Variants in CUX2 observed in about 807,000 individuals in gnomAD.
CUX2 encodes cut like homeobox 2.
In CUX2, 40 loss-of-function variants were observed where a neutral mutation model predicts 144.8. The ratio of observed to expected loss-of-function variants is 0.28; its 90% CI spans 0.21 to 0.36. The LOEUF (loss-of-function observed/expected upper bound fraction) is 0.36, where lower values mean the gene tolerates loss of function less well. Among genes scored for constraint, CUX2 ranks in the 10% least tolerant of loss-of-function variants. CUX2 has a pLI of 1.00. For synonymous variants in CUX2, 827 were observed against 875.6 expected, an observed-to-expected ratio of 0.94 and a Z score of 0.98; for missense variants, 1,615 against 1,994.0, an observed-to-expected ratio of 0.81 and a Z score of 3.62.
chr12:111,309,649 A>G (rs780505402), intron 14 of CUX2, among the ~76,000 whole-genome samples: 1 of 133,116 alleles, frequency 7.5e-6, no homozygotes, highest in African/African-American at 2.9e-5. Context: ...CTGTCTCTAT[A>G]TATGTCTCTG....
At chr12:111,215,419 T>G (rs1276888160) in intron 2 of CUX2, among the ~76,000 whole-genome samples, 1 of 152,188 alleles carries the variant, frequency 6.6e-6, no homozygotes, top group Admixed American at 6.5e-5. Context: ...ACACAAGTCA[T>G]AAATGTCTTT....
At chr12:111,217,984 TC>T (rs1397482940) in intron 3 of CUX2, 47 bp downstream of exon 3, 5 of 1,605,966 alleles carry the variant, frequency 3.1e-6, no homozygotes, top group Non-Finnish European at 4.3e-6. Context: ...CCCCAATGGC[TC>T]CCCCTCCTAT....
Position 111,077,414 on chromosome 12 carries a change from ACTT to A in CUX2, c.63+43177_63+43179del, listed in dbSNP as rs1871600465. Among the ~76,000 whole-genome samples the A allele has an allele frequency of 6.6e-6, 1 of 152,098 alleles. No homozygotes were observed. On this transcript the variant is annotated intron_variant, in intron 1 of 21. Transcript: ENST00000261726. This position sits in a 1 kb window ranked among gnomAD's most constrained non-coding sequence, Gnocchi z 4.1. ...CATGCCATCGACCTGAACCCCCTGG[ACTT>A]CTGCCCCCCTGGACTGATGGCCTAA... is the stretch of plus-strand genomic sequence containing the variant.
At chr12:111,142,209 A>G (rs138043560) in intron 1 of CUX2, among the ~76,000 whole-genome samples, 2 of 152,380 alleles carry the variant, frequency 1.3e-5, no homozygotes, top group East Asian at 1.9e-4. Flanking sequence ...TCATGCTGAC[A>G]TGAGCCACAT....
chr12:111,217,201 G>C (rs748702375), intron 2 of CUX2, among the ~76,000 whole-genome samples: 4 of 152,184 alleles, frequency 2.6e-5, no homozygotes, highest in African/African-American at 4.8e-5. Flanking sequence ...GGCTCAGGGT[G>C]GCTGTGACAA....
intron 1 of CUX2, among the ~76,000 whole-genome samples, chr12:111,131,199 G>T (rs944383271): frequency 6.6e-6 from 1 of 152,074 alleles, no homozygotes; most frequent in Admixed American, 6.6e-5. Flanking sequence ...ACATGGTGGT[G>T]GCAAGAGAAA....
chr12:111,099,144 G>A (rs1873028035), intron 1 of CUX2, among the ~76,000 whole-genome samples: 1 of 152,244 alleles, frequency 6.6e-6, no homozygotes. Context: ...ATGCTCAGCA[G>A]TGTGGAAGGA....
In CUX2 at chr12:111,277,947, G is replaced by A. The variant is rs1384654614; in HGVS notation, c.302-13471G>A. ...GGCCGGGTTGTTTCTGAAAGCAGGA[G>A]GCTGCAGGGGAGAAGTCATTTCCTT... On this transcript the variant is annotated intron_variant, in intron 4 of 21. Coordinates refer to ENST00000261726, the MANE Select transcript of CUX2 (RefSeq NM_015267.4). This position sits in a 1 kb window ranked among gnomAD's most constrained non-coding sequence, Gnocchi z 5.0. 4.6e-5 allele frequency among the ~76,000 whole-genome samples: 7 copies of A among 152,214 alleles called. No homozygotes were observed. The highest frequency in any genetic ancestry group is 4.6e-4 in the Admixed American group (7 of 15,276).
Position 111,308,311 on chromosome 12 carries a change from C to G in CUX2, c.1136C>G (p.Ser379Cys). 6.2e-7 allele frequency: 1 copy of G among 1,614,178 alleles called. No individual in the cohort carries two copies. The highest frequency in any genetic ancestry group is 8.5e-7 in the Non-Finnish European group (1 of 1,180,028). The part of the protein sequence containing the change: ...LSILKAMKLA[S>C]STCSLPQGMA... Reference sequence around the variant, plus strand: ...ATCCTGAAAGCCATGAAGCTGGCCTCCAGCACCTGCAGCCTCCCCCAGGTA... The same window carrying G: ...ATCCTGAAAGCCATGAAGCTGGCCTGCAGCACCTGCAGCCTCCCCCAGGTA... The change falls in exon 13 of 22, where the codon TCC (serine) becomes TGC (cysteine). Residue 379 changes from serine (S) to cysteine (C), a missense_variant. Ser to Cys is a moderately radical substitution (Grantham distance 112). Around this residue, in one of 12 missense-constraint regions of CUX2, gnomAD observed 57 missense variants for 60.8 expected, o/e 0.94. Coordinates refer to ENST00000261726, the MANE Select transcript of CUX2 (RefSeq NM_015267.4).
intron 3 of CUX2, among the ~76,000 whole-genome samples, chr12:111,227,619 T>A (rs1882222214): frequency 6.6e-6 from 1 of 152,036 alleles, no homozygotes; most frequent in African/African-American, 2.4e-5. Flanking sequence ...CAGCCTTGTG[T>A]CCCCCTCCTG....
In CUX2 at chr12:111,068,394, G is replaced by C. The variant is rs973171487; in HGVS notation, c.63+34154G>C. Among the ~76,000 whole-genome samples the C allele has an allele frequency of 6.6e-6, 1 of 152,226 alleles. No individual in the cohort carries two copies. Among genetic ancestry groups the C allele is most frequent in the Non-Finnish European group, 1.5e-5 (1 of 68,048 alleles). On this transcript the variant is annotated intron_variant, in intron 1 of 21. Coordinates refer to ENST00000261726, the MANE Select transcript of CUX2 (RefSeq NM_015267.4). The surrounding 1 kb of genome is among the most constrained non-coding windows in gnomAD (Gnocchi z 4.9). ...CATCTGTATGAAAAGCCAGCCAGCC[G>C]GCCGATTTCTGTCCTTTGAAGACGC...
At chr12:111,170,117 G>A (rs561059632) in intron 1 of CUX2, among the ~76,000 whole-genome samples, 3 of 152,296 alleles carry the variant, frequency 2.0e-5, no homozygotes, top group Non-Finnish European at 2.9e-5. Context: ...TTGAGCATTC[G>A]TCCTGAGTCT....
intron 1 of CUX2, among the ~76,000 whole-genome samples, chr12:111,213,308 T>G (rs1447435883): frequency 2.0e-5 from 3 of 152,218 alleles, no homozygotes; most frequent in Non-Finnish European, 4.4e-5. Flanking sequence ...CAACTCATGG[T>G]GAATTGTACT....
chr12:111,136,532 G>A (rs980431930), intron 1 of CUX2, among the ~76,000 whole-genome samples: 1 of 152,214 alleles, frequency 6.6e-6, no homozygotes, highest in African/African-American at 2.4e-5. Context: ...AGGGCCAGGA[G>A]GTTTTGTGTC....
At chr12:111,265,397 A>G (rs1487078683) in intron 4 of CUX2, among the ~76,000 whole-genome samples, 1 of 150,992 alleles carries the variant, frequency 6.6e-6, no homozygotes, top group Non-Finnish European at 1.5e-5. Context: ...GCTGGAGTGC[A>G]GTAGCGCGAT....
chr12:111,122,700 C>T (rs1289506538), intron 1 of CUX2, among the ~76,000 whole-genome samples: 4 of 152,174 alleles, frequency 2.6e-5, no homozygotes, highest in African/African-American at 9.7e-5. Context: ...AAGTTATGCA[C>T]CAGGGGAGAT....
intron 4 of CUX2, among the ~76,000 whole-genome samples, chr12:111,271,016 C>T (rs766514691): frequency 3.9e-5 from 6 of 152,166 alleles, no homozygotes; most frequent in Middle Eastern, 3.2e-3. Context: ...GGATTCGCTA[C>T]GCTGTACATG....
rs1365301435 is a variant in CUX2, at chr12:111,034,531, G to A, written c.63+291G>A. On this transcript the variant is annotated intron_variant, in intron 1 of 21. Transcript: ENST00000261726. This position sits in a 1 kb window ranked among gnomAD's most constrained non-coding sequence, Gnocchi z 4.2. ...CGGCCAGGCGGCCGGGCGAGGAGCG[G>A]GGAAGGCAGGGGCTACGGCCTCGGG... Among the ~76,000 whole-genome samples the A allele has an allele frequency of 6.6e-6, 1 of 151,652 alleles. No homozygotes were observed. Among genetic ancestry groups the A allele is most frequent in the African/African-American group, 2.4e-5 (1 of 41,402 alleles).
chr12:111,346,487 A>G (rs985536792), intron 21 of CUX2, among the ~76,000 whole-genome samples: 4 of 152,018 alleles, frequency 2.6e-5, no homozygotes, highest in Non-Finnish European at 4.4e-5. Flanking sequence ...AAAAAAAAAA[A>G]AAAGAAAAGA....
Sources: gnomAD v4.1 joint callset for allele counts (sites outside exome capture counted in the v4.1 genomes callset) on GRCh38, gnomAD v4.1.1 for gene constraint, gnomAD v4.1.1 regional missense constraint, Gnocchi (gnomAD v3.1) non-coding constraint, MANE v1.5 for transcripts, NCBI Gene and HGNC (gene_info 2026-07-23, HGNC 2026-07-21) for gene names.